TMEM63A: variants seen among roughly 807,000 people sequenced by gnomAD.
TMEM63A encodes mechanosensitive cation channel TMEM63A.
Under a neutral mutation model 100.6 loss-of-function variants are expected in TMEM63A, and 76 were observed. The observed-to-expected ratio is 0.76, with a 90% CI of 0.63 to 0.91. TMEM63A has a LOEUF of 0.91. Ranked by LOEUF, TMEM63A falls within the 40% of genes least tolerant of loss-of-function variation. TMEM63A has a pLI of 0.00. For missense variants in TMEM63A, 876 were observed against 1,008.8 expected (o/e 0.87, Z 1.78); for synonymous variants, 401 against 401.1 (o/e 1.00, Z 0.00).
intron 15 of TMEM63A, among the ~76,000 whole-genome samples, 166 bp from the exon 16 acceptor site, chr1:225,857,183 A>G (rs1669665373): frequency 6.6e-6 from 1 of 152,304 alleles, no homozygotes. Flanking sequence ...TAGTCCATAA[A>G]TGTTGGCTGA....
rs376605013 is a variant in TMEM63A at position 225,847,109 on chromosome 1, C to T, written c.2355G>A (p.Gly785=). 7.4e-6 allele frequency: 12 copies of T among 1,613,906 alleles called. No individual in the cohort carries two copies. Among genetic ancestry groups the T allele is most frequent in the Non-Finnish European group, 1.0e-5 (12 of 1,180,038 alleles). The change falls in exon 24 of 25, where the codon GGG becomes GGA. Residue 785 remains glycine (G), a synonymous_variant. Transcript: ENST00000366835. ...QTYGAIHNIS[G]TIPGQCLAQS... ...GCGCCAAGCACTGTCCAGGGATAGTCCCGCTGATGTTGTGGATGGCACCAT... is the reference window on the plus strand; with the variant it reads ...GCGCCAAGCACTGTCCAGGGATAGTTCCGCTGATGTTGTGGATGGCACCAT...
In TMEM63A at chr1:225,865,618, G is replaced by A. The variant is rs1490552365; in HGVS notation, c.746+279C>T. ...TTTTTCCCCCGTATGCTCTCAAGACGTTTATTCGCACCTACACCCTGGTCT... is the reference window on the plus strand; with the variant it reads ...TTTTTCCCCCGTATGCTCTCAAGACATTTATTCGCACCTACACCCTGGTCT... On this transcript the variant is annotated intron_variant, in intron 10 of 24. Coordinates refer to ENST00000366835, the MANE Select transcript of TMEM63A (RefSeq NM_014698.3). This position sits in a 1 kb window ranked among gnomAD's most constrained non-coding sequence, Gnocchi z 4.6. The A allele has an allele frequency of 7.9e-6, 3 of 381,906 alleles. No homozygotes were observed. The highest frequency in any genetic ancestry group is 4.0e-5 in the African/African-American group (2 of 50,002). 23.7% of individuals were successfully genotyped at this position (381,906 alleles called of 1,614,324 possible).
At chr1:225,844,591 G>C (rs754533122), downstream of TMEM63A, 3 of 1,614,032 alleles carry the variant, frequency 1.9e-6, no homozygotes, top group African/African-American at 4.0e-5. Flanking sequence ...AGGAGAACCT[G>C]GGACAGGGCT....
intron 13 of TMEM63A, chr1:225,861,910 A>G (rs1308540446): frequency 7.5e-6 from 3 of 399,938 alleles, no homozygotes; most frequent in Non-Finnish European, 1.4e-5. Context: ...TGGCACATGA[A>G]GCCAACAGGA....
At chr1:225,848,872 G>C in intron 22 of TMEM63A, 25 bp downstream of exon 22, 5 of 1,539,434 alleles carry the variant, frequency 3.2e-6, no homozygotes, top group South Asian at 1.2e-5. Flanking sequence ...GGGCTTGACC[G>C]GGCAGTGGGG....
At chr1:225,849,168 C>A (rs1439363019) in intron 21 of TMEM63A, among the ~76,000 whole-genome samples, 156 bp from the exon 22 acceptor site, 2 of 150,332 alleles carry the variant, frequency 1.3e-5, no homozygotes. Flanking sequence ...CACCCCCACC[C>A]CTCAACTCCA....
In TMEM63A at chr1:225,867,245, A is replaced by C. The variant is rs1321637098; in HGVS notation, c.515-82T>G. 4 of 1,385,504 alleles carry C rather than the reference A, an allele frequency of 2.9e-6. No homozygotes were observed. Among genetic ancestry groups the C allele is most frequent in the Non-Finnish European group, 3.1e-6 (3 of 972,768 alleles). 85.8% of individuals were successfully genotyped at this position (1,385,504 alleles called of 1,614,324 possible). A position where few individuals can be genotyped will look rare whatever the true frequency, so the allele number is the denominator to read the frequency against. ...GTAACCAATCAGCCTTGGTTTGTGG[A>C]GCTCTGGGGAGGAGGAGCATGTCTG... On this transcript the variant is annotated intron_variant, in intron 7 of 24. Coordinates refer to ENST00000366835, the MANE Select transcript of TMEM63A (RefSeq NM_014698.3). This position sits in a 1 kb window ranked among gnomAD's most constrained non-coding sequence, Gnocchi z 4.6.
chr1:225,846,818 G>A lies in TMEM63A; in HGVS notation c.*121C>T. On this transcript the variant is annotated 3_prime_UTR_variant, in exon 25 of 25. Transcript: ENST00000366835. The stretch of plus-strand genomic sequence containing the variant: ...GCCTGTGCTCTCCTCACCACTGCTG[G>A]GACCAGAAAAGATGGGCACCTGATA... 1 of 504,844 alleles carries A rather than the reference G, an allele frequency of 2.0e-6. No individual in the cohort carries two copies. Among genetic ancestry groups the A allele is most frequent in the Non-Finnish European group, 3.4e-6 (1 of 296,180 alleles). The allele number at this position is 504,844 out of a possible 1,614,324, so 31.3% of individuals were successfully genotyped here.
chr1:225,862,666 A>G lies in TMEM63A; in HGVS notation c.828-88T>C. The G allele has an allele frequency of 6.2e-7, 1 of 1,603,050 alleles. No homozygotes were observed. ...ACCCACAGTTCAACCATCGAACGCCAGGGGAGAAGGAGGGGTCCAGGGCCT... is the reference window on the plus strand; with the variant it reads ...ACCCACAGTTCAACCATCGAACGCCGGGGGAGAAGGAGGGGTCCAGGGCCT... On this transcript the variant is annotated intron_variant, in intron 11 of 24. Transcript: ENST00000366835. This position sits in a 1 kb window ranked among gnomAD's most constrained non-coding sequence, Gnocchi z 5.1.
chr1:225,847,751 G>T (rs763975525), intron 23 of TMEM63A, among the ~76,000 whole-genome samples: 2 of 152,186 alleles, frequency 1.3e-5, no homozygotes, highest in Non-Finnish European at 2.9e-5. Flanking sequence ...ATAGCCACAG[G>T]TGTGTCGCTG....
intron 2 of TMEM63A, among the ~76,000 whole-genome samples, chr1:225,878,884 C>CCACACACACACA (rs1559054316): frequency 1.4e-4 from 7 of 51,624 alleles, no homozygotes; most frequent in African/African-American, 4.4e-4. Flanking sequence ...ACCTACCTAC[C>CCACACACACACA]TACACACACA....
downstream of TMEM63A, among the ~76,000 whole-genome samples, chr1:225,844,800 G>A (rs975321979): frequency 1.3e-5 from 2 of 152,156 alleles, no homozygotes; most frequent in Admixed American, 1.3e-4. Flanking sequence ...AGCCCTCATG[G>A]AGGGACCAGG....
rs766373154 is a variant in TMEM63A, at chr1:225,865,920, C to A, written c.723G>T (p.Lys241Asn). ...FITGLPRDAR[K>N]ETVESHFRDA... ...ACCGGAAGTGGCTCTCCACAGTCTCCTTCCTGGCATCTCTGGGGAGTCCTG... is the reference window on the plus strand; with the variant it reads ...ACCGGAAGTGGCTCTCCACAGTCTCATTCCTGGCATCTCTGGGGAGTCCTG... The change falls in exon 10 of 25, where the codon AAG becomes AAT. Residue 241 changes from lysine to asparagine, a missense_variant. By Grantham distance (94) the Lys-to-Asn change is moderately conservative. Coordinates refer to ENST00000366835, the MANE Select transcript of TMEM63A (RefSeq NM_014698.3). This position sits in a 1 kb window ranked among gnomAD's most constrained non-coding sequence, Gnocchi z 4.6. The A allele has an allele frequency of 1.2e-6, 2 of 1,614,072 alleles. No homozygotes were observed. Among genetic ancestry groups the A allele is most frequent in the Non-Finnish European group, 1.7e-6 (2 of 1,179,960 alleles).
downstream of TMEM63A, chr1:225,844,520 C>T: frequency 6.2e-7 from 1 of 1,614,164 alleles, no homozygotes; most frequent in Non-Finnish European, 8.5e-7. Context: ...GGACGACCTG[C>T]TGACCAACGT....
chr1:225,852,794 C>T (rs1408019871), intron 19 of TMEM63A, 25 bp from the exon 20 acceptor site: 4 of 1,603,150 alleles, frequency 2.5e-6, no homozygotes, highest in South Asian at 1.1e-5. Context: ...TGGTGAGGAG[C>T]TCATGGACTT....
intron 18 of TMEM63A, among the ~76,000 whole-genome samples, chr1:225,854,305 A>G (rs921922766): frequency 2.6e-5 from 4 of 152,308 alleles, no homozygotes; most frequent in Admixed American, 1.3e-4. Flanking sequence ...ACAAGGCTGA[A>G]AGGGGCTGGG....
At position 225,850,902 on chromosome 1, in the gene TMEM63A, A is replaced by G. The variant is rs190938256; in HGVS notation, c.1904-823T>C. Among the ~76,000 whole-genome samples, 47 of 152,136 alleles carry G rather than the reference A, an allele frequency of 3.1e-4. No homozygotes were observed. The East Asian group carries it at 6.2e-3, about 20-fold the overall frequency. On this transcript the variant is annotated intron_variant, in intron 20 of 24. Coordinates refer to ENST00000366835, the MANE Select transcript of TMEM63A (RefSeq NM_014698.3). ...AATTTTTTATATTTTTAGTAGAGAT[A>G]GGGTTTCACCATGTTAACCAGGATG...
Position 225,867,908 on chromosome 1 carries a change from T to C in TMEM63A, c.494A>G (p.Asn165Ser), listed in dbSNP as rs1044933902. 1.4e-5 allele frequency: 23 copies of C among 1,613,796 alleles called. No homozygotes were observed. Among genetic ancestry groups the C allele is most frequent in the Middle Eastern group, 1.6e-4 (1 of 6,084 alleles). Residue 165 changes from asparagine to serine, a missense_variant, in exon 7 of 25, where the codon AAC becomes AGC. Physicochemically the swap from Asn to Ser is conservative, Grantham distance 46. Coordinates refer to ENST00000366835, the MANE Select transcript of TMEM63A (RefSeq NM_014698.3). The surrounding 1 kb of genome is among the most constrained non-coding windows in gnomAD (Gnocchi z 4.6). ...ATTACCCAGCAAGTCCCCTGAGAGG[T>C]TGACAGGCAGGATGACACACAGGGA... ...FLSLCVILPV[N>S]LSGDLLDKDP...
chr1:225,856,982 C>T lies in TMEM63A; in HGVS notation c.1413G>A (p.Leu471=), dbSNP rs756561200. 63 of 1,592,814 alleles carry T rather than the reference C, an allele frequency of 4.0e-5. No homozygotes were observed. Among genetic ancestry groups the T allele is most frequent in the Non-Finnish European group, 5.1e-5 (60 of 1,173,996 alleles). Residue 471 remains leucine (L), a synonymous_variant, in exon 16 of 25, where the codon CTG becomes CTA. Transcript: ENST00000366835. ...GGAGCAGGGCCGAGAAGGACCAGAG[C>T]AGGAGGGTGGGGAAGAACTGGCTGA... ...PIISQFFPTL[L]LWSFSALLPS... is the part of the protein sequence containing the mutation.
Sources: allele counts gnomAD v4.1 joint callset (sites outside exome capture counted in the v4.1 genomes callset), GRCh38; gene constraint gnomAD v4.1.1; non-coding constraint Gnocchi (gnomAD v3.1); transcripts MANE v1.5; gene names NCBI Gene and HGNC (gene_info 2026-07-23, HGNC 2026-07-21).